TBC1D22A: variants seen among roughly 807,000 people sequenced by gnomAD.
TBC1D22A encodes the protein putative GTPase activator.
A neutral mutation model predicts 60.2 loss-of-function variants in TBC1D22A; 38 were observed. The ratio of observed to expected loss-of-function variants is 0.63; its 90% CI spans 0.49 to 0.83. The LOEUF (loss-of-function observed/expected upper bound fraction) is 0.83, where lower values mean the gene tolerates loss of function less well. Ranked by LOEUF, TBC1D22A falls within the 40% of genes least tolerant of loss-of-function variation. TBC1D22A has a pLI of 0.00. For synonymous variants in TBC1D22A, 302 were observed against 281.7 expected (o/e 1.07, Z -0.72); for missense variants, 628 against 701.0 (o/e 0.90, Z 1.18).
chr22:46,993,251 G>A (rs542533258), intron 9 of TBC1D22A, among the ~76,000 whole-genome samples: 1 of 152,304 alleles, frequency 6.6e-6, no homozygotes, highest in South Asian at 2.1e-4. Context: ...AGAGTGTGAT[G>A]TTGTAATGGC....
At chr22:47,012,016 C>T (rs565144393) in intron 10 of TBC1D22A, among the ~76,000 whole-genome samples, 1 of 152,162 alleles carries the variant, frequency 6.6e-6, no homozygotes, top group East Asian at 1.9e-4. Context: ...GCCTTGTCCC[C>T]ACCCCGCCCC....
chr22:46,846,296 CA>C (rs1175135091), intron 4 of TBC1D22A, among the ~76,000 whole-genome samples: 1 of 151,802 alleles, frequency 6.6e-6, no homozygotes, highest in African/African-American at 2.4e-5. Flanking sequence ...TTGTTGCTAG[CA>C]GCACTGATCC....
chr22:46,979,968 C>T (rs1179248983), intron 9 of TBC1D22A, among the ~76,000 whole-genome samples: 1 of 152,004 alleles, frequency 6.6e-6, no homozygotes, highest in Non-Finnish European at 1.5e-5. Context: ...GAGGCATCTG[C>T]AGATGACCTC....
chr22:47,062,385 C>T (rs1281356699), intron 11 of TBC1D22A, among the ~76,000 whole-genome samples: 1 of 152,176 alleles, frequency 6.6e-6, no homozygotes. Flanking sequence ...GAGGGCTGGG[C>T]CTGCTGGCTT....
intron 11 of TBC1D22A, among the ~76,000 whole-genome samples, chr22:47,107,784 A>G (rs1053092776): frequency 1.3e-5 from 2 of 152,260 alleles, no homozygotes; most frequent in African/African-American, 2.4e-5. Context: ...GACTAGCACT[A>G]GCTGAAGTTT....
chr22:47,092,075 G>C (rs2043984314), intron 11 of TBC1D22A, among the ~76,000 whole-genome samples: 1 of 152,182 alleles, frequency 6.6e-6, no homozygotes, highest in African/African-American at 2.4e-5. Context: ...GGACCATATG[G>C]GGTGGGAGTT....
At chr22:47,046,950 A>G (rs2063054280) in intron 11 of TBC1D22A, among the ~76,000 whole-genome samples, 1 of 152,112 alleles carries the variant, frequency 6.6e-6, no homozygotes, top group African/African-American at 2.4e-5. Context: ...GGCCACAAAG[A>G]GTGTACTTTC....
In TBC1D22A at chr22:46,793,802, G is replaced by A; in HGVS notation, c.421G>A (p.Val141Met). 1 of 1,596,256 alleles carries A rather than the reference G, an allele frequency of 6.3e-7. No homozygotes were observed. Among genetic ancestry groups the A allele is most frequent in the Non-Finnish European group, 8.5e-7 (1 of 1,172,024 alleles). ...PSPPSGDLRL[V>M]KSVSESHTSC... ...ACCCCCCAGCGGCGACCTCCGGCTG[G>A]TGAAGTCGGTCAGTGAGAGCCACAC... Residue 141 changes from valine to methionine, a missense_variant, in exon 3 of 13, where the codon GTG becomes ATG. Transcript: ENST00000337137.
intron 11 of TBC1D22A, among the ~76,000 whole-genome samples, chr22:47,097,643 A>G (rs767554722): frequency 8.5e-5 from 13 of 152,156 alleles, no homozygotes; most frequent in Non-Finnish European, 1.3e-4. Context: ...AAAGAAATGC[A>G]TTGAACATAT....
intron 12 of TBC1D22A, among the ~76,000 whole-genome samples, chr22:47,139,154 T>C (rs2066988704): frequency 6.6e-6 from 1 of 152,198 alleles, no homozygotes; most frequent in African/African-American, 2.4e-5. Flanking sequence ...GGTGACGTCA[T>C]GTGCTTTATT....
At chr22:46,784,916 C>G (rs1195546918) in intron 1 of TBC1D22A, among the ~76,000 whole-genome samples, 1 of 152,208 alleles carries the variant, frequency 6.6e-6, no homozygotes, top group Non-Finnish European at 1.5e-5. Flanking sequence ...TTGGTTAAAA[C>G]TTTACCAGCT....
intron 10 of TBC1D22A, among the ~76,000 whole-genome samples, chr22:47,015,317 C>G (rs770522713): frequency 8.5e-5 from 13 of 152,222 alleles, no homozygotes; most frequent in African/African-American, 1.4e-4. Context: ...CCTAAGCTGC[C>G]TGGGGAGGGC....
intron 4 of TBC1D22A, among the ~76,000 whole-genome samples, chr22:46,833,857 C>T (rs1430381020): frequency 6.6e-6 from 1 of 152,150 alleles, no homozygotes. Flanking sequence ...TAAACAAAGG[C>T]GTTTTTGTGG....
At chr22:46,844,330 T>C (rs112595101) in intron 4 of TBC1D22A, among the ~76,000 whole-genome samples, 3 of 152,204 alleles carry the variant, frequency 2.0e-5, no homozygotes, top group Non-Finnish European at 4.4e-5. Flanking sequence ...CTCTTCTTAC[T>C]CTCCTCTTTG....
chr22:46,852,314 C>G (rs2087322051), intron 4 of TBC1D22A, among the ~76,000 whole-genome samples: 1 of 152,220 alleles, frequency 6.6e-6, no homozygotes, highest in Admixed American at 6.5e-5. Flanking sequence ...AACTTTAGCA[C>G]CTCCCCTCTT....
chr22:46,945,063 G>A (rs1011424578), intron 8 of TBC1D22A, among the ~76,000 whole-genome samples: 5 of 152,222 alleles, frequency 3.3e-5, no homozygotes, highest in Non-Finnish European at 7.3e-5. Context: ...TAGCAACTGA[G>A]CCACTTCCAA....
intron 11 of TBC1D22A, among the ~76,000 whole-genome samples, chr22:47,109,846 C>T (rs5767502): frequency 0.38 from 57,040 of 151,652 alleles, 10,923 homozygotes; most frequent in South Asian, 0.52. Context: ...TTGCCTGCTC[C>T]GTCTTGGCCC....
chr22:46,898,176 C>T (rs1225884770), intron 7 of TBC1D22A, among the ~76,000 whole-genome samples: 1 of 152,158 alleles, frequency 6.6e-6, no homozygotes, highest in Non-Finnish European at 1.5e-5. Flanking sequence ...ATTCTTTGTA[C>T]AGCTGACCTC....
intron 5 of TBC1D22A, among the ~76,000 whole-genome samples, chr22:46,886,430 C>A (rs1013787232): frequency 3.9e-5 from 6 of 152,180 alleles, no homozygotes; most frequent in African/African-American, 1.4e-4. Flanking sequence ...TCCTCTGGGG[C>A]ACCTCCTCCC....
Sources: allele counts gnomAD v4.1 joint callset (sites outside exome capture counted in the v4.1 genomes callset), GRCh38; gene constraint gnomAD v4.1.1; transcripts MANE v1.5; gene names NCBI Gene and HGNC (gene_info 2026-07-23, HGNC 2026-07-21).